The following DCAF8L2 variants were observed in gnomAD, a reference collection of about 807,000 sequenced individuals.
The protein encoded by DCAF8L2 is DDB1 and CUL4 associated factor 8 like 2.
For missense variants in DCAF8L2, 430 were observed against 490.7 expected, an observed-to-expected ratio of 0.88 and a Z score of 1.17; for synonymous variants, 200 against 190.9, an observed-to-expected ratio of 1.05 and a Z score of -0.39.
the DCAF8L2 span, among the ~76,000 whole-genome samples, chrX:27,505,249 A>G: frequency 9.0e-6 from 1 of 111,333 alleles, no homozygotes; most frequent in Non-Finnish European, 1.9e-5. Flanking sequence ...GACCCTAGAT[A>G]CGAACCCATA....
chrX:27,726,813 C>T (rs922118979), intron 4 of DCAF8L2, among the ~76,000 whole-genome samples: 1 of 111,983 alleles, frequency 8.9e-6, no homozygotes, highest in African/African-American at 3.2e-5. Flanking sequence ...CCATTTCATT[C>T]TTGCATGACA....
At chrX:27,547,863 CTCTCTCTTTCTCTCTCTCTCTCTCTCTT>C in the DCAF8L2 span, among the ~76,000 whole-genome samples, 16 of 57,714 alleles carry the variant, frequency 2.8e-4, no homozygotes, top group African/African-American at 7.6e-4. Flanking sequence ...CTCTCTCTCT[CTCTCTCTTTCTCTCTCTCTCTCTCTCTT>C]TCTCTCTCTC....
intron 1 of DCAF8L2, among the ~76,000 whole-genome samples, chrX:27,613,468 G>A (rs1419866821): frequency 9.0e-6 from 1 of 111,026 alleles, no homozygotes; most frequent in African/African-American, 3.3e-5. Flanking sequence ...GATTGCCCTG[G>A]CCAGAACTTC....
intron 1 of DCAF8L2, among the ~76,000 whole-genome samples, chrX:27,601,557 G>A (rs1160602321): frequency 9.0e-6 from 1 of 111,047 alleles, no homozygotes; most frequent in Non-Finnish European, 1.9e-5. Context: ...GAAGTTAGCC[G>A]AACATGGTGA....
At chrX:27,564,046 A>G in the DCAF8L2 span, among the ~76,000 whole-genome samples, 4 of 112,072 alleles carry the variant, frequency 3.6e-5, no homozygotes, top group African/African-American at 9.7e-5. Flanking sequence ...CATGCTGCTA[A>G]TAAACATATA....
rs181914236 is a variant in DCAF8L2 at position 27,667,051 on chromosome X, G to A, written c.-219-10785G>A. On this transcript the variant is annotated intron_variant, in intron 2 of 4. Transcript: ENST00000451261. Reference sequence around the variant, plus strand: ...CCTAATGATACTTTCAGATACTGCTGGTTCAAGAACCACACTTGGAATAGT... The same window carrying A: ...CCTAATGATACTTTCAGATACTGCTAGTTCAAGAACCACACTTGGAATAGT... Among the ~76,000 whole-genome samples, 606 of 110,063 alleles carry A rather than the reference G, an allele frequency of 5.5e-3. 5 individuals are homozygous for A. Among genetic ancestry groups the A allele is most frequent in the Non-Finnish European group, 8.3e-3 (436 of 52,706 alleles).
At chrX:27,560,678 T>C in the DCAF8L2 span, among the ~76,000 whole-genome samples, 39 of 112,484 alleles carry the variant, frequency 3.5e-4, no homozygotes, top group African/African-American at 1.2e-3. Flanking sequence ...TCACGATCAG[T>C]AGTTCTGGCT....
intron 2 of DCAF8L2, among the ~76,000 whole-genome samples, chrX:27,661,435 T>C (rs1929555079): frequency 9.0e-6 from 1 of 111,556 alleles, no homozygotes; most frequent in African/African-American, 3.3e-5. Context: ...GGTACTTCTT[T>C]GTAGAGGAGA....
chrX:27,600,364 A>G (rs1344784706), intron 1 of DCAF8L2, among the ~76,000 whole-genome samples: 1 of 112,010 alleles, frequency 8.9e-6, no homozygotes, highest in Admixed American at 9.5e-5. Context: ...ACTTTTACTC[A>G]TTTGTCAAGG....
At chrX:27,596,076 A>C (rs1409108206) in intron 1 of DCAF8L2, among the ~76,000 whole-genome samples, 1 of 112,464 alleles carries the variant, frequency 8.9e-6, no homozygotes, top group African/African-American at 3.2e-5. Context: ...TCTTGAACAC[A>C]GAAATCATTT....
intron 4 of DCAF8L2, among the ~76,000 whole-genome samples, chrX:27,723,898 C>G (rs980919421): frequency 9.1e-6 from 1 of 110,243 alleles, no homozygotes; most frequent in African/African-American, 3.3e-5. Flanking sequence ...ATGAGTATAG[C>G]GTTTATGTAC....
At chrX:27,499,842 G>GA in the DCAF8L2 span, among the ~76,000 whole-genome samples, 25 of 110,010 alleles carry the variant, frequency 2.3e-4, 1 homozygote, top group African/African-American at 5.3e-4. Flanking sequence ...GTGGTGGGGG[G>GA]GGGTACAGGG....
rs1176623983 is a variant in DCAF8L2, at chrX:27,747,765, G to C, written c.870G>C (p.Met290Ile). The change falls in exon 5 of 5, where the codon ATG becomes ATC. Residue 290 changes from methionine to isoleucine, a missense_variant. Physicochemically the swap from Met to Ile is conservative, Grantham distance 10. Coordinates refer to ENST00000451261, the MANE Select transcript of DCAF8L2 (RefSeq NM_001353450.2). ...LPNCGDSTLA[M>I]CARDGQVRVA... Reference sequence around the variant, plus strand: ...ACTGTGGTGATTCCACTCTGGCCATGTGTGCCCGTGATGGGCAGGTACGGG... The same window carrying C: ...ACTGTGGTGATTCCACTCTGGCCATCTGTGCCCGTGATGGGCAGGTACGGG... 3 of 1,209,116 alleles carry C rather than the reference G, an allele frequency of 2.5e-6. No individual in the cohort carries two copies. The highest frequency in any genetic ancestry group is 3.4e-6 in the Non-Finnish European group (3 of 894,340).
Position 27,716,148 on chromosome X carries a change from A to G in DCAF8L2, c.-82A>G, listed in dbSNP as rs1931695341. ...CAGGACGGTGTGGAATCAGTGGGGA[A>G]ATCTCTAATTGCTACTGACACAGGT... On this transcript the variant is annotated 5_prime_UTR_variant, in exon 4 of 5. Coordinates refer to ENST00000451261, the MANE Select transcript of DCAF8L2 (RefSeq NM_001353450.2). 2 of 111,880 alleles carry G rather than the reference A, an allele frequency of 1.8e-5. No individual in the cohort carries two copies. Among genetic ancestry groups the G allele is most frequent in the South Asian group, 7.5e-4 (2 of 2,657 alleles). The allele number at this position is 111,880 out of a possible 1,213,427, so 9.2% of individuals were successfully genotyped here.
intron 3 of DCAF8L2, among the ~76,000 whole-genome samples, chrX:27,698,444 C>T (rs1181735886): frequency 1.8e-5 from 2 of 111,494 alleles, no homozygotes; most frequent in Non-Finnish European, 3.8e-5. Context: ...CTCCTCCATA[C>T]AAATGGAGAG....
the DCAF8L2 span, among the ~76,000 whole-genome samples, chrX:27,531,487 T>G: frequency 9.0e-6 from 1 of 111,578 alleles, no homozygotes; most frequent in South Asian, 3.8e-4. Flanking sequence ...CCCATTAAAA[T>G]ATGGCCATAT....
At chrX:27,703,300 G>A (rs1931200581) in intron 3 of DCAF8L2, among the ~76,000 whole-genome samples, 1 of 110,902 alleles carries the variant, frequency 9.0e-6, no homozygotes, top group Admixed American at 9.7e-5. Flanking sequence ...AATCGCAGCT[G>A]GCATTTTTGC....
chrX:27,497,607 C>T, the DCAF8L2 span, among the ~76,000 whole-genome samples: 31 of 104,485 alleles, frequency 3.0e-4, no homozygotes, highest in Middle Eastern at 9.4e-3. Flanking sequence ...CTCACTCTGT[C>T]GCCCAGGCTG....
chrX:27,574,467 T>A, the DCAF8L2 span, among the ~76,000 whole-genome samples: 2 of 112,281 alleles, frequency 1.8e-5, no homozygotes, highest in African/African-American at 6.5e-5. Flanking sequence ...ACATTTTCCT[T>A]CTCTCAGGTG....
Sources: allele counts gnomAD v4.1 joint callset (sites outside exome capture counted in the v4.1 genomes callset), GRCh38; gene constraint gnomAD v4.1.1; transcripts MANE v1.5; gene names NCBI Gene and HGNC (gene_info 2026-07-23, HGNC 2026-07-21).